The following TMEM270 variants were observed in gnomAD, a reference collection of about 807,000 sequenced individuals.
TMEM270 encodes the protein transmembrane protein 270.
A neutral mutation model predicts 29.9 loss-of-function variants in TMEM270; 30 were observed. The observed-to-expected ratio is 1.00, with a 90% CI of 0.75 to 1.36. The LOEUF is 1.36. Ranked by LOEUF, TMEM270 falls within the 40% of genes most tolerant of loss-of-function variation. The pLI is 0.00. For missense variants in TMEM270, 313 were observed against 307.1 expected, an observed-to-expected ratio of 1.02 and a Z score of -0.14; for synonymous variants, 135 against 139.8, an observed-to-expected ratio of 0.97 and a Z score of 0.24.
chr7:73,862,314 G>T (rs1325457019), intron 1 of TMEM270, among the ~76,000 whole-genome samples: 1 of 151,790 alleles, frequency 6.6e-6, no homozygotes, highest in Non-Finnish European at 1.5e-5. Flanking sequence ...CACCGCATTG[G>T]CCAGGCTGGT....
At chr7:73,862,796 G>T (rs781809402) in intron 1 of TMEM270, among the ~76,000 whole-genome samples, 7 of 148,040 alleles carry the variant, frequency 4.7e-5, no homozygotes, top group Non-Finnish European at 7.4e-5. Flanking sequence ...GGAGGCGGAG[G>T]TTGCGGTGAG....
intron 1 of TMEM270, among the ~76,000 whole-genome samples, chr7:73,863,068 C>A (rs1209398643): frequency 2.6e-5 from 4 of 152,022 alleles, no homozygotes; most frequent in African/African-American, 9.7e-5. Context: ...GGTCCTATTT[C>A]CTAGCTCTAC....
At position 73,861,272 on chromosome 7, in the gene TMEM270, T is replaced by C; in HGVS notation, c.72+6T>C. The C allele has an allele frequency of 7.9e-7, 1 of 1,269,266 alleles. No individual in the cohort carries two copies. Among genetic ancestry groups the C allele is most frequent in the Non-Finnish European group, 1.1e-6 (1 of 898,626 alleles). 78.6% of individuals were successfully genotyped at this position (1,269,266 alleles called of 1,614,324 possible). A position where few individuals can be genotyped will look rare whatever the true frequency, so the allele number is the denominator to read the frequency against. On this transcript the variant is annotated splice_donor_region_variant and intron_variant, in intron 1 of 2. Coordinates refer to ENST00000320531, the MANE Select transcript of TMEM270 (RefSeq NM_182504.4). ...TTACGAGGCTCTCAGTGCTGGTGAG[T>C]GGGGGCTGGGGGTAAGTGGGGTGGG...
chr7:73,862,862 C>T (rs935125303), intron 1 of TMEM270, among the ~76,000 whole-genome samples: 3 of 103,620 alleles, frequency 2.9e-5, no homozygotes, highest in South Asian at 3.5e-4. Context: ...AAGAGCAAAA[C>T]CCTGTCTCAG....
Position 73,865,607 on chromosome 7 carries a change from C to G in TMEM270, c.532C>G (p.Leu178Val), listed in dbSNP as rs1788891013. 6.2e-7 allele frequency: 1 copy of G among 1,613,942 alleles called. No homozygotes were observed. The highest frequency in any genetic ancestry group is 1.3e-5 in the African/African-American group (1 of 74,914). Residue 178 changes from leucine (L) to valine (V), a missense_variant, in exon 3 of 3, where the codon CTC (leucine) becomes GTC (valine). Leu to Val is a conservative substitution (Grantham distance 32, BLOSUM62 1). Coordinates refer to ENST00000320531, the MANE Select transcript of TMEM270 (RefSeq NM_182504.4). The stretch of plus-strand genomic sequence containing the variant: ...GCAAGTGAACTGCGTGGTAAGGAAG[C>G]TCCTGGTACAGCTGAGACGTCTGTA... ...ALQVNCVVRKLLVQLRRLYWW... is the reference protein window; with the variant it reads ...ALQVNCVVRKVLVQLRRLYWW...
At chr7:73,865,529 C>A (rs534437073) in intron 2 of TMEM270, 48 bp from the exon 3 acceptor site, 4 of 1,594,948 alleles carry the variant, frequency 2.5e-6, no homozygotes, top group African/African-American at 1.3e-5. Flanking sequence ...AGCAGTGTAA[C>A]CCTATGAGCT....
At chr7:73,864,209 GC>G (rs1450106444) in intron 1 of TMEM270, among the ~76,000 whole-genome samples, 1 of 149,492 alleles carries the variant, frequency 6.7e-6, no homozygotes, top group African/African-American at 2.5e-5. Context: ...GATTGCTTGA[GC>G]CTATGAGTTC....
chr7:73,863,642 G>A (rs1159091828), intron 1 of TMEM270, among the ~76,000 whole-genome samples: 5 of 152,012 alleles, frequency 3.3e-5, no homozygotes, highest in African/African-American at 1.2e-4. Context: ...CGTCTGCTTC[G>A]GCCTCCCAGA....
chr7:73,861,335 C>T, intron 1 of TMEM270, 69 bp downstream of exon 1: 3 of 1,475,002 alleles, frequency 2.0e-6, no homozygotes, highest in Non-Finnish European at 2.8e-6. Flanking sequence ...CACCTCAGAG[C>T]TGCCGGGCCC....
chr7:73,865,821 C>G lies in TMEM270; in HGVS notation c.746C>G (p.Ser249Trp). 4 of 1,613,612 alleles carry G rather than the reference C, an allele frequency of 2.5e-6. No individual in the cohort carries two copies. Among genetic ancestry groups the G allele is most frequent in the Non-Finnish European group, 3.4e-6 (4 of 1,179,970 alleles). The change falls in exon 3 of 3, where the codon TCG (serine) becomes TGG (tryptophan). Residue 249 changes from serine (S) to tryptophan (W), a missense_variant. Physicochemically the swap from Ser to Trp is radical, Grantham distance 177. Coordinates refer to ENST00000320531, the MANE Select transcript of TMEM270 (RefSeq NM_182504.4). Reference sequence around the variant, plus strand: ...TTGCTGCCCTCACTGTCTGCGTCCTCGGACTCAGAGTCTGGAACAGTTTTG... The same window carrying G: ...TTGCTGCCCTCACTGTCTGCGTCCTGGGACTCAGAGTCTGGAACAGTTTTG... ...SSLLPSLSAS[S>W]DSESGTVLPE...
chr7:73,861,289 T>TGGGGGGGGGGGTTATGG, intron 1 of TMEM270, 23 bp downstream of exon 1: 1 of 974,250 alleles, frequency 1.0e-6, no homozygotes, highest in Non-Finnish European at 1.6e-6. Flanking sequence ...TGGGGGTAAG[T>TGGGGGGGGGGGTTATGG]GGGGTGGGGA....
At chr7:73,863,686 G>A (rs553265314) in intron 1 of TMEM270, among the ~76,000 whole-genome samples, 2 of 152,082 alleles carry the variant, frequency 1.3e-5, no homozygotes, top group Admixed American at 6.6e-5. Context: ...CACCATGTCC[G>A]GCTGGAAATC....
At chr7:73,865,475 G>A (rs548452422) in intron 2 of TMEM270, 54 bp downstream of exon 2, 59 of 1,584,380 alleles carry the variant, frequency 3.7e-5, no homozygotes, top group Non-Finnish European at 4.6e-5. Flanking sequence ...GGGGTACTGG[G>A]TGTGGTCAGG....
intron 1 of TMEM270, among the ~76,000 whole-genome samples, chr7:73,862,475 G>C (rs962776910): frequency 3.3e-5 from 5 of 152,022 alleles, no homozygotes; most frequent in East Asian, 3.9e-4. Context: ...AGGAGGCCGA[G>C]GTGGGAGTAT....
In TMEM270 at chr7:73,865,241, G is replaced by A. The variant is rs201074859; in HGVS notation, c.321G>A (p.Lys107=). The A allele has an allele frequency of 1.8e-4, 295 of 1,613,494 alleles. No individual in the cohort carries two copies. The highest frequency in any genetic ancestry group is 5.5e-4 in the South Asian group (50 of 91,090). The change falls in exon 2 of 3, where the codon AAG becomes AAA. Residue 107 remains lysine, a synonymous_variant. Coordinates refer to ENST00000320531, the MANE Select transcript of TMEM270 (RefSeq NM_182504.4). Reference sequence around the variant, plus strand: ...GGGCTGGCATGTGGGGCAGCACCAAGGGCCTGGGCCTGGCCTTGCTCAGTG... The same window carrying A: ...GGGCTGGCATGTGGGGCAGCACCAAAGGCCTGGGCCTGGCCTTGCTCAGTG... ...LMWAGMWGST[K]GLGLALLSAW... is the part of the protein sequence containing the mutation.
Position 73,865,037 on chromosome 7 carries a change from G to A in TMEM270, c.117G>A (p.Lys39=), listed in dbSNP as rs1554639729. Residue 39 remains lysine (K), a synonymous_variant, in exon 2 of 3, where the codon AAG becomes AAA. Coordinates refer to ENST00000320531, the MANE Select transcript of TMEM270 (RefSeq NM_182504.4). ...ACCTCTATAATTTCCTGCTCCTCAAGATCAACCTCTTCAACCACTGGGTGT... is the reference window on the plus strand; with the variant it reads ...ACCTCTATAATTTCCTGCTCCTCAAAATCAACCTCTTCAACCACTGGGTGT... ...RDHLYNFLLL[K]INLFNHWVSG... is the part of the protein sequence containing the mutation. 1.3e-6 allele frequency: 2 copies of A among 1,519,964 alleles called. No individual in the cohort carries two copies. Among genetic ancestry groups the A allele is most frequent in the African/African-American group, 1.4e-5 (1 of 71,908 alleles). The allele number at this position is 1,519,964 out of a possible 1,614,324, so 94.2% of individuals were successfully genotyped here.
intron 1 of TMEM270, 100 bp downstream of exon 1, chr7:73,861,366 A>G: frequency 1.7e-6 from 2 of 1,171,462 alleles, no homozygotes; most frequent in Non-Finnish European, 2.4e-6. Context: ...TGTCCCATCC[A>G]GTGGAACGAG....
At chr7:73,862,739 A>C (rs992170899) in intron 1 of TMEM270, among the ~76,000 whole-genome samples, 11 of 151,770 alleles carry the variant, frequency 7.2e-5, no homozygotes, top group Non-Finnish European at 1.0e-4. Context: ...GCATGCCTGT[A>C]ATCCCAGCTA....
chr7:73,862,395 C>T (rs566646376), intron 1 of TMEM270, among the ~76,000 whole-genome samples: 4 of 151,852 alleles, frequency 2.6e-5, no homozygotes, highest in African/African-American at 9.7e-5. Context: ...TGTGAGCCAC[C>T]GCACCTGGCC....
Sources: gnomAD v4.1 joint callset for allele counts (sites outside exome capture counted in the v4.1 genomes callset) on GRCh38, gnomAD v4.1.1 for gene constraint, MANE v1.5 for transcripts, NCBI Gene and HGNC (gene_info 2026-07-23, HGNC 2026-07-21) for gene names.